MOV10L1: variants seen among roughly 807,000 people sequenced by gnomAD.
MOV10L1 encodes RNA helicase Mov10l1.
In MOV10L1, 110 loss-of-function variants were observed where a neutral mutation model predicts 143.8. The observed-to-expected ratio is 0.76, with a 90% CI of 0.66 to 0.90. The LOEUF (loss-of-function observed/expected upper bound fraction) is 0.90, where lower values mean the gene tolerates loss of function less well. MOV10L1 is among the 40% of genes least tolerant of loss of function. MOV10L1 has a pLI of 0.00. For missense variants in MOV10L1, 1,406 were observed against 1,526.8 expected, an observed-to-expected ratio of 0.92 and a Z score of 1.32; for synonymous variants, 593 against 581.1, an observed-to-expected ratio of 1.02 and a Z score of -0.29.
intron 1 of MOV10L1, chr22:50,090,672 G>GTGTT (rs2062409927): frequency 6.7e-6 from 6 of 892,698 alleles, no homozygotes; most frequent in Non-Finnish European, 8.8e-6. Flanking sequence ...TTCTCCTGAG[G>GTGTT]TGTTTGTGTG....
intron 13 of MOV10L1, among the ~76,000 whole-genome samples, chr22:50,132,210 T>G (rs2062698465): frequency 6.6e-6 from 1 of 152,332 alleles, no homozygotes; most frequent in South Asian, 2.1e-4. Context: ...GTGTATGATA[T>G]GTGCCTTTAT....
chr22:50,130,970 C>T (rs2062657007), intron 13 of MOV10L1, among the ~76,000 whole-genome samples: 1 of 152,152 alleles, frequency 6.6e-6, no homozygotes, highest in East Asian at 1.9e-4. Flanking sequence ...GATCTCGGCT[C>T]ACTGCAAGCT....
chr22:50,140,988 C>T (rs959193483), intron 15 of MOV10L1, among the ~76,000 whole-genome samples: 1 of 152,026 alleles, frequency 6.6e-6, no homozygotes, highest in Non-Finnish European at 1.5e-5. Context: ...TTGAAAATCC[C>T]ACTGGTTCAG....
chr22:50,141,986 A>G, intron 15 of MOV10L1, 95 bp from the exon 16 acceptor site: 1 of 869,506 alleles, frequency 1.2e-6, no homozygotes, highest in Non-Finnish European at 1.8e-6. Flanking sequence ...TAAATATACT[A>G]AGTAGAACAC....
intron 6 of MOV10L1, 124 bp downstream of exon 6, chr22:50,113,912 CTTTTTTTTTTTTTTTTTTT>C: frequency 3.1e-5 from 8 of 262,032 alleles, no homozygotes; most frequent in Non-Finnish European, 4.5e-5. Context: ...AAGATCTTTT[CTTTTTTTTTTTTTTTTTTT>C]TTTTTGAGAC....
At chr22:50,106,191 T>C (rs2061860481) in intron 3 of MOV10L1, among the ~76,000 whole-genome samples, 1 of 152,210 alleles carries the variant, frequency 6.6e-6, no homozygotes, top group Non-Finnish European at 1.5e-5. Flanking sequence ...GGGGTCTTGC[T>C]CTGTCACCCA....
At chr22:50,155,266 T>G (rs1475546262) in intron 22 of MOV10L1, among the ~76,000 whole-genome samples, 1 of 150,344 alleles carries the variant, frequency 6.7e-6, no homozygotes, top group African/African-American at 2.4e-5. Flanking sequence ...TTTGTGGGTT[T>G]TTTTTTTTTT....
At chr22:50,100,005 T>A (rs1032234256) in intron 3 of MOV10L1, among the ~76,000 whole-genome samples, 1 of 146,980 alleles carries the variant, frequency 6.8e-6, no homozygotes, top group Admixed American at 7.0e-5. Flanking sequence ...TTGTTTTTGT[T>A]TTTCGAGATG....
At chr22:50,123,991 T>A (rs1289763195) in intron 10 of MOV10L1, among the ~76,000 whole-genome samples, 1 of 152,224 alleles carries the variant, frequency 6.6e-6, no homozygotes, top group Admixed American at 6.5e-5. Context: ...GTTCCCACTT[T>A]CCTATCTTAT....
At chr22:50,121,049 A>G (rs1391265454) in intron 10 of MOV10L1, among the ~76,000 whole-genome samples, 1 of 152,250 alleles carries the variant, frequency 6.6e-6, no homozygotes. Context: ...ACAGAGGAGC[A>G]CGTTCTGAGT....
chr22:50,113,126 G>A lies in MOV10L1; in HGVS notation c.744-522G>A, dbSNP rs147308134. On this transcript the variant is annotated intron_variant, in intron 5 of 26. Transcript: ENST00000262794. Reference sequence around the variant, plus strand: ...GAGAATCAAGCCTGTAGCATCAGTAGAAGAAGGGGAAGTAAGTGGGTCCAT... The same window carrying A: ...GAGAATCAAGCCTGTAGCATCAGTAAAAGAAGGGGAAGTAAGTGGGTCCAT... 3.2e-3 allele frequency among the ~76,000 whole-genome samples: 489 copies of A among 152,344 alleles called. 2 individuals are homozygous for A. The highest frequency in any genetic ancestry group is 0.011 in the African/African-American group (461 of 41,582).
chr22:50,127,402 C>T (rs1012621888), intron 12 of MOV10L1, among the ~76,000 whole-genome samples: 4 of 152,224 alleles, frequency 2.6e-5, no homozygotes, highest in African/African-American at 4.8e-5. Flanking sequence ...CCACCTGCAC[C>T]TGTTCTCAAG....
intron 25 of MOV10L1, 24 bp from the exon 26 acceptor site, chr22:50,160,940 C>T (rs778875527): frequency 1.9e-6 from 3 of 1,613,758 alleles, no homozygotes; most frequent in South Asian, 2.2e-5. Flanking sequence ...GCTCTCACAC[C>T]AGGCTAATTG....
intron 13 of MOV10L1, among the ~76,000 whole-genome samples, chr22:50,129,002 C>T (rs1482873660): frequency 2.0e-5 from 3 of 152,164 alleles, no homozygotes; most frequent in Admixed American, 2.0e-4. Flanking sequence ...ACAGTGTTCT[C>T]TTGAGTATGT....
At chr22:50,104,555 G>T (rs5771163) in intron 3 of MOV10L1, among the ~76,000 whole-genome samples, 2 of 152,152 alleles carry the variant, frequency 1.3e-5, no homozygotes, top group African/African-American at 4.8e-5. Context: ...GGGGATGTCA[G>T]AATTAAAATT....
At chr22:50,102,810 AGAATCGCTT>A (rs2061778918) in intron 3 of MOV10L1, among the ~76,000 whole-genome samples, 1 of 152,176 alleles carries the variant, frequency 6.6e-6, no homozygotes, top group Admixed American at 6.5e-5. Flanking sequence ...CTAAGGCAGG[AGAATCGCTT>A]GAACCTGGGA....
At chr22:50,160,278 G>A (rs1356127981) in intron 24 of MOV10L1, among the ~76,000 whole-genome samples, 5 of 136,496 alleles carry the variant, frequency 3.7e-5, no homozygotes. Flanking sequence ...AGATGGCGTC[G>A]CTCTGTCGCC....
At chr22:50,099,700 C>A in intron 3 of MOV10L1, 98 bp downstream of exon 3, 1 of 1,394,528 alleles carries the variant, frequency 7.2e-7, no homozygotes, top group Non-Finnish European at 9.7e-7. Context: ...ATAATCCCAG[C>A]ACTTTGTCAG....
Position 50,091,948 on chromosome 22 carries a change from T to TGAGCA in MOV10L1, c.98-53_98-52insGAGCA. On this transcript the variant is annotated intron_variant, in intron 1 of 26. Coordinates refer to ENST00000262794, the MANE Select transcript of MOV10L1 (RefSeq NM_018995.3). ...TGCCTTTCTCTGGTGGGGTTCACTG[T>TGAGCA]AGCGTACGCTTGCTTTTATGGCCAA... The TGAGCA allele has an allele frequency of 1.9e-6, 3 of 1,555,858 alleles. No homozygotes were observed. The South Asian group carries it at 3.6e-5, about 19-fold the overall frequency.
Sources: gnomAD v4.1 joint callset for allele counts (sites outside exome capture counted in the v4.1 genomes callset) on GRCh38, gnomAD v4.1.1 for gene constraint, MANE v1.5 for transcripts, NCBI Gene and HGNC (gene_info 2026-07-23, HGNC 2026-07-21) for gene names.